The following FHIT variants were observed in gnomAD, a reference collection of about 807,000 sequenced individuals.
The protein encoded by FHIT is bis(5'-adenosyl)-triphosphatase.
FHIT carries 19 observed loss-of-function variants against 17.9 expected under a neutral mutation model. The observed-to-expected ratio is 1.06, with a 90% CI of 0.74 to 1.56. FHIT has a LOEUF of 1.56. Among genes scored for constraint, FHIT ranks in the 40% most tolerant of loss-of-function variants. FHIT has a pLI of 0.00. For missense variants in FHIT, 248 were observed against 189.2 expected, an observed-to-expected ratio of 1.31 and a Z score of -1.82; for synonymous variants, 81 against 69.7, an observed-to-expected ratio of 1.16 and a Z score of -0.81.
intron 3 of FHIT, among the ~76,000 whole-genome samples, chr3:61,014,369 G>A (rs1376264675): frequency 1.3e-5 from 2 of 152,096 alleles, no homozygotes; most frequent in Non-Finnish European, 2.9e-5. Context: ...TGCCTGGGGT[G>A]TGAAAGGAGA....
intron 5 of FHIT, among the ~76,000 whole-genome samples, chr3:60,462,655 C>G (rs1269618278): frequency 6.6e-6 from 1 of 152,092 alleles, no homozygotes; most frequent in Non-Finnish European, 1.5e-5. Context: ...AGCAGGAGGA[C>G]TAGAATTCAG....
chr3:60,699,710 A>AAT (rs749911013), intron 4 of FHIT, among the ~76,000 whole-genome samples: 2 of 150,956 alleles, frequency 1.3e-5, no homozygotes, highest in African/African-American at 4.9e-5. Flanking sequence ...TAAAAAAAAA[A>AAT]GCATTATCTT....
At chr3:60,696,981 T>C (rs1452063569) in intron 4 of FHIT, among the ~76,000 whole-genome samples, 1 of 152,138 alleles carries the variant, frequency 6.6e-6, no homozygotes, top group Non-Finnish European at 1.5e-5. Flanking sequence ...AGTGCACTCA[T>C]TAAGATTTCT....
At chr3:60,276,824 G>A (rs1190238292) in intron 5 of FHIT, among the ~76,000 whole-genome samples, 1 of 152,094 alleles carries the variant, frequency 6.6e-6, no homozygotes, top group Non-Finnish European at 1.5e-5. Context: ...AAGAGAGAGA[G>A]TAGAGGAAGT....
chr3:60,117,494 T>TAAAAAAAAAAAAA (rs34113926), intron 5 of FHIT, among the ~76,000 whole-genome samples: 2 of 86,766 alleles, frequency 2.3e-5, no homozygotes, highest in African/African-American at 4.5e-5. Context: ...ACTTCCTATC[T>TAAAAAAAAAAAAA]AAAAAAAAAA....
At chr3:60,793,183 C>CA (rs1358243335) in intron 4 of FHIT, among the ~76,000 whole-genome samples, 15 of 152,246 alleles carry the variant, frequency 9.9e-5, no homozygotes, top group African/African-American at 3.6e-4. Context: ...TATTTACATA[C>CA]ATATGACATT....
intron 2 of FHIT, among the ~76,000 whole-genome samples, chr3:61,106,415 C>T (rs757222940): frequency 6.6e-5 from 10 of 152,088 alleles, no homozygotes; most frequent in South Asian, 4.1e-4. Flanking sequence ...GAACTTCCTC[C>T]GCTCTAATTA....
intron 8 of FHIT, among the ~76,000 whole-genome samples, chr3:59,919,563 C>A (rs1457776119): frequency 6.6e-6 from 1 of 152,170 alleles, no homozygotes; most frequent in Admixed American, 6.5e-5. Context: ...TTCTTATGAA[C>A]CTTCTTATTT....
At chr3:60,237,300 A>G (rs1176254991) in intron 5 of FHIT, among the ~76,000 whole-genome samples, 2 of 136,876 alleles carry the variant, frequency 1.5e-5, no homozygotes, top group Non-Finnish European at 3.0e-5. Flanking sequence ...TGATGATAGC[A>G]CCTATTTCCT....
At chr3:60,963,685 G>C (rs1408720340) in intron 3 of FHIT, among the ~76,000 whole-genome samples, 1 of 149,362 alleles carries the variant, frequency 6.7e-6, no homozygotes, top group Non-Finnish European at 1.5e-5. Context: ...ATTTGGTTAT[G>C]TGCCCAGTAG....
chr3:60,591,239 A>G (rs1356097853), intron 4 of FHIT, among the ~76,000 whole-genome samples: 3 of 152,114 alleles, frequency 2.0e-5, no homozygotes, highest in Non-Finnish European at 2.9e-5. Flanking sequence ...AACAGATCCT[A>G]GAAGACTTTG....
chr3:60,946,084 ACCATAGCAT>A (rs1708627908), intron 3 of FHIT, among the ~76,000 whole-genome samples: 2 of 152,144 alleles, frequency 1.3e-5, no homozygotes, highest in Non-Finnish European at 2.9e-5. Flanking sequence ...GAAGAGAAGA[ACCATAGCAT>A]CTGAGCTGAG....
chr3:59,780,419 G>A (rs1702526680), intron 8 of FHIT, among the ~76,000 whole-genome samples: 2 of 152,338 alleles, frequency 1.3e-5, no homozygotes, highest in African/African-American at 4.8e-5. Context: ...CCATGTGTCT[G>A]GTTCCTTCTC....
intron 4 of FHIT, among the ~76,000 whole-genome samples, chr3:60,806,255 C>A (rs533863750): frequency 6.6e-6 from 1 of 152,164 alleles, no homozygotes; most frequent in African/African-American, 2.4e-5. Context: ...CAGGCAGCAG[C>A]CACAACCCTG....
intron 4 of FHIT, among the ~76,000 whole-genome samples, chr3:60,605,781 G>A (rs1342919767): frequency 2.6e-5 from 4 of 152,202 alleles, no homozygotes; most frequent in African/African-American, 9.6e-5. Flanking sequence ...TCTTGCCTAT[G>A]AGAGTTTTGA....
chr3:60,986,730 C>A (rs1710733783), intron 3 of FHIT, among the ~76,000 whole-genome samples: 1 of 152,142 alleles, frequency 6.6e-6, no homozygotes, highest in Non-Finnish European at 1.5e-5. Flanking sequence ...TCACCACACA[C>A]TCAAGAACTC....
chr3:60,843,276 T>A (rs1458970366), intron 3 of FHIT, among the ~76,000 whole-genome samples: 1 of 152,052 alleles, frequency 6.6e-6, no homozygotes, highest in African/African-American at 2.4e-5. Context: ...GGCTGGAAAG[T>A]CTCATACGAC....
intron 8 of FHIT, among the ~76,000 whole-genome samples, chr3:59,874,846 G>T (rs1703081558): frequency 1.3e-5 from 2 of 152,114 alleles, no homozygotes; most frequent in African/African-American, 4.8e-5. Flanking sequence ...ATTCCTTCTA[G>T]CACTCCCTTT....
chr3:60,728,913 T>C (rs1305988086), intron 4 of FHIT, among the ~76,000 whole-genome samples: 1 of 152,210 alleles, frequency 6.6e-6, no homozygotes, highest in Non-Finnish European at 1.5e-5. Flanking sequence ...TACAAATAAC[T>C]AATATACATC....
Sources: gnomAD v4.1 joint callset for allele counts (sites outside exome capture counted in the v4.1 genomes callset) on GRCh38, gnomAD v4.1.1 for gene constraint, MANE v1.5 for transcripts, NCBI Gene and HGNC (gene_info 2026-07-23, HGNC 2026-07-21) for gene names.